The following ACTR3 variants were observed in gnomAD, a reference collection of about 807,000 sequenced individuals.
ACTR3 encodes the protein actin-related protein 3.
Under a neutral mutation model 56.8 loss-of-function variants are expected in ACTR3, and 12 were observed. That is an observed-to-expected ratio of 0.21 (90% confidence interval 0.14 to 0.34). ACTR3 has a LOEUF of 0.34. Among genes scored for constraint, ACTR3 ranks in the 10% least tolerant of loss-of-function variants. The pLI is 1.00. For synonymous variants in ACTR3, 162 were observed against 167.4 expected (o/e 0.97, Z 0.25); for missense variants, 282 against 512.5 (o/e 0.55, Z 4.34).
intron 1 of ACTR3, 154 bp downstream of exon 1, chr2:113,890,477 C>G (rs1574342857): frequency 7.8e-7 from 1 of 1,286,458 alleles, no homozygotes; most frequent in African/African-American, 1.6e-5. Flanking sequence ...GGCCCGCAGC[C>G]AGGGCCTCGC....
In ACTR3 at chr2:113,942,280, A is replaced by G. The variant is rs770742304; in HGVS notation, c.779A>G (p.Asn260Ser). The G allele has an allele frequency of 1.6e-5, 26 of 1,604,880 alleles. No individual in the cohort carries two copies. The highest frequency in any genetic ancestry group is 9.4e-5 in the African/African-American group (7 of 74,452). Residue 260 changes from asparagine (N) to serine (S), a missense_variant, in exon 8 of 12, where the codon AAT becomes AGT. Physicochemically the swap from Asn to Ser is conservative, Grantham distance 46. Coordinates refer to ENST00000263238, the MANE Select transcript of ACTR3 (RefSeq NM_005721.5). Reference sequence around the variant, plus strand: ...TGGATTAAACAGTATACTGGAATCAATGCTATCTCAAAGAAAGAGTTTTCT... The same window carrying G: ...TGGATTAAACAGTATACTGGAATCAGTGCTATCTCAAAGAAAGAGTTTTCT... ...SKWIKQYTGI[N>S]AISKKEFSID...
intron 10 of ACTR3, chr2:113,954,237 T>C (rs1680170392): frequency 6.6e-6 from 1 of 152,176 alleles, no homozygotes; most frequent in Non-Finnish European, 1.5e-5. Flanking sequence ...AAAGTTATTA[T>C]GTTTTCCTTT....
intron 2 of ACTR3, 41 bp downstream of exon 2, chr2:113,913,268 G>T (rs1288385935): frequency 1.5e-6 from 2 of 1,372,428 alleles, no homozygotes. Flanking sequence ...TGATTTAAAA[G>T]ATCCCCTTCC....
rs1340923117 is a variant in ACTR3, at chr2:113,957,561, A to G, written c.*106A>G. 18 of 772,746 alleles carry G rather than the reference A, an allele frequency of 2.3e-5. No individual in the cohort carries two copies. The East Asian group carries it at 3.6e-4, about 16-fold the overall frequency. The allele number at this position is 772,746 out of a possible 1,614,324, so 47.9% of individuals were successfully genotyped here. Reference sequence around the variant, plus strand: ...TTTTGAGGTTTTAAACCTGACTTGAAATAGTAACACCAAACATGATTATAC... The same window carrying G: ...TTTTGAGGTTTTAAACCTGACTTGAGATAGTAACACCAAACATGATTATAC... On this transcript the variant is annotated 3_prime_UTR_variant, in exon 12 of 12. Transcript: ENST00000263238.
intron 6 of ACTR3, among the ~76,000 whole-genome samples, chr2:113,935,328 G>C (rs1679807341): frequency 6.6e-6 from 1 of 152,098 alleles, no homozygotes; most frequent in African/African-American, 2.4e-5. Flanking sequence ...ACCCTACAAA[G>C]GAACCCTGTA....
intron 8 of ACTR3, among the ~76,000 whole-genome samples, chr2:113,945,668 A>G (rs1260268858): frequency 6.6e-6 from 1 of 151,922 alleles, no homozygotes; most frequent in Non-Finnish European, 1.5e-5. Flanking sequence ...CTTTAAGTTC[A>G]GGGGTACATG....
chr2:113,892,169 A>G (rs557917916), intron 1 of ACTR3, among the ~76,000 whole-genome samples: 2 of 152,332 alleles, frequency 1.3e-5, no homozygotes, highest in East Asian at 3.9e-4. Flanking sequence ...TCGAATTAGT[A>G]TACAAGATGT....
intron 6 of ACTR3, among the ~76,000 whole-genome samples, chr2:113,939,244 G>A (rs1477711925): frequency 3.3e-5 from 5 of 151,840 alleles, no homozygotes; most frequent in South Asian, 2.1e-4. Context: ...GGATGGTCTC[G>A]ATCTCCTGAC....
At chr2:113,904,651 A>G (rs1679161276) in intron 1 of ACTR3, 1 of 152,186 alleles carries the variant, frequency 6.6e-6, no homozygotes. Context: ...ATGGTAAGTG[A>G]TAGTTAAATT....
chr2:113,945,119 G>A (rs186321859), intron 8 of ACTR3, among the ~76,000 whole-genome samples: 7 of 152,260 alleles, frequency 4.6e-5, no homozygotes, highest in Admixed American at 3.9e-4. Flanking sequence ...AGCATGAGAA[G>A]GATAAGGAAT....
In ACTR3 at chr2:113,959,028, G is replaced by A. The variant is rs919169241; in HGVS notation, c.*1573G>A. 2 of 151,956 alleles carry A rather than the reference G, an allele frequency of 1.3e-5. No individual in the cohort carries two copies. The highest frequency in any genetic ancestry group is 1.3e-4 in the Admixed American group (2 of 15,240). 9.4% of individuals were successfully genotyped at this position (151,956 alleles called of 1,614,324 possible). On this transcript the variant is annotated 3_prime_UTR_variant, in exon 12 of 12. Coordinates refer to ENST00000263238, the MANE Select transcript of ACTR3 (RefSeq NM_005721.5). ...TGTAAAAGACAAACTATATCCTACA[G>A]TAGTATCATCATCAGTATCAAAGGT...
chr2:113,892,274 G>C (rs960045674), intron 1 of ACTR3, among the ~76,000 whole-genome samples: 1 of 152,126 alleles, frequency 6.6e-6, no homozygotes, highest in African/African-American at 2.4e-5. Flanking sequence ...CGGGAAGAGG[G>C]GTTCAATTTA....
At chr2:113,945,149 T>C (rs1679992750) in intron 8 of ACTR3, among the ~76,000 whole-genome samples, 1 of 152,180 alleles carries the variant, frequency 6.6e-6, no homozygotes, top group Non-Finnish European at 1.5e-5. Context: ...ACTAGTATAC[T>C]GGAGTGTGAA....
chr2:113,942,381 GT>G (rs1679939205), intron 8 of ACTR3, 22 bp downstream of exon 8: 2 of 1,510,946 alleles, frequency 1.3e-6, no homozygotes, highest in African/African-American at 2.8e-5. Flanking sequence ...TAACGGAATT[GT>G]TTAAAAGTAT....
At chr2:113,921,583 T>C (rs545438402) in intron 3 of ACTR3, among the ~76,000 whole-genome samples, 37 of 152,326 alleles carry the variant, frequency 2.4e-4, no homozygotes, top group Admixed American at 9.2e-4. Flanking sequence ...AGTTTTCTTC[T>C]AGTACTTTTA....
chr2:113,908,330 C>T (rs1199433851), intron 1 of ACTR3, among the ~76,000 whole-genome samples: 1 of 150,144 alleles, frequency 6.7e-6, no homozygotes, highest in Non-Finnish European at 1.5e-5. Flanking sequence ...TTTATGGTGA[C>T]TATCGAATTT....
intron 3 of ACTR3, among the ~76,000 whole-genome samples, chr2:113,925,993 A>C (rs1003509150): frequency 6.6e-6 from 1 of 152,158 alleles, no homozygotes; most frequent in Non-Finnish European, 1.5e-5. Flanking sequence ...GAAATGTCTG[A>C]TAGTTCTGTT....
chr2:113,955,852 A>G (rs1680201865), intron 11 of ACTR3, 146 bp downstream of exon 11: 2 of 556,612 alleles, frequency 3.6e-6, no homozygotes, highest in South Asian at 2.4e-5. Flanking sequence ...GGTTAAAGTG[A>G]TTCTCCTGCC....
chr2:113,946,659 G>T (rs1181280862), intron 8 of ACTR3, among the ~76,000 whole-genome samples: 3 of 152,124 alleles, frequency 2.0e-5, no homozygotes, highest in Non-Finnish European at 4.4e-5. Context: ...TAGGTTGTCT[G>T]TTTACTCTGC....
Sources: allele counts gnomAD v4.1 joint callset (sites outside exome capture counted in the v4.1 genomes callset), GRCh38; gene constraint gnomAD v4.1.1; transcripts MANE v1.5; gene names NCBI Gene and HGNC (gene_info 2026-07-23, HGNC 2026-07-21).